Variants in ZNF236 observed in about 807,000 individuals in gnomAD.
ZNF236 encodes zinc finger protein 236, also known as regulated by glucose.
ZNF236 carries 50 observed loss-of-function variants against 191.2 expected under a neutral mutation model. The ratio of observed to expected loss-of-function variants is 0.26; its 90% CI spans 0.21 to 0.33. The LOEUF (loss-of-function observed/expected upper bound fraction) is 0.33, where lower values mean the gene tolerates loss of function less well. Among genes scored for constraint, ZNF236 ranks in the 10% least tolerant of loss-of-function variants. The pLI, the probability that ZNF236 is intolerant of heterozygous loss-of-function variation, is 1.00. For synonymous variants in ZNF236, 907 were observed against 928.8 expected (o/e 0.98, Z 0.43); for missense variants, 1,754 against 2,374.5 (o/e 0.74, Z 5.43).
chr18:76,964,375 G>A (rs1372701712), intron 30 of ZNF236, among the ~76,000 whole-genome samples: 1 of 152,144 alleles, frequency 6.6e-6, no homozygotes, highest in Non-Finnish European at 1.5e-5. Flanking sequence ...GGTTTTGAAG[G>A]TTCCTTTTGG....
At chr18:76,868,358 C>T (rs547738765) in intron 3 of ZNF236, among the ~76,000 whole-genome samples, 5 of 152,304 alleles carry the variant, frequency 3.3e-5, no homozygotes, top group African/African-American at 7.2e-5. Flanking sequence ...CTCTCTAAAG[C>T]GCTCACAGAA....
chr18:76,941,600 T>C (rs1023560205), intron 26 of ZNF236, among the ~76,000 whole-genome samples: 1 of 152,184 alleles, frequency 6.6e-6, no homozygotes, highest in Admixed American at 6.5e-5. Flanking sequence ...GCCCTTCCAC[T>C]CTGGCCTGCG....
Position 76,899,167 on chromosome 18 carries a change from G to A in ZNF236, c.1839G>A (p.Thr613=), listed in dbSNP as rs760698313. 6 of 1,614,136 alleles carry A rather than the reference G, an allele frequency of 3.7e-6. No individual in the cohort carries two copies. The highest frequency in any genetic ancestry group is 5.1e-6 in the Non-Finnish European group (6 of 1,180,010). Reference sequence around the variant, plus strand: ...CTGCAAAGGTCCGTGTTGGCAAGACGAATATTCCAGTCCCTGATATTCCTT... The same window carrying A: ...CTGCAAAGGTCCGTGTTGGCAAGACAAATATTCCAGTCCCTGATATTCCTT... ...RKPAKVRVGK[T]NIPVPDIPLQ... Residue 613 remains threonine, a synonymous_variant, in exon 11 of 31, where the codon ACG becomes ACA. Transcript: ENST00000320610.
At chr18:76,837,121 ACCCCCTCC>A (rs1975353763) in intron 1 of ZNF236, among the ~76,000 whole-genome samples, 3 of 32,766 alleles carry the variant, frequency 9.2e-5, no homozygotes, top group African/African-American at 1.5e-4. Flanking sequence ...AGTGATCCGC[ACCCCCTCC>A]CCCCCCCCCC....
Position 76,956,044 on chromosome 18 carries a change from G to A in ZNF236, c.4974G>A (p.Ala1658=), listed in dbSNP as rs778886930. 1.2e-5 allele frequency: 20 copies of A among 1,609,632 alleles called. No individual in the cohort carries two copies. Among genetic ancestry groups the A allele is most frequent in the Admixed American group, 3.3e-5 (2 of 59,752 alleles). Reference sequence around the variant, plus strand: ...ACCAGCCAGAGAAGGAGGGCCGGGCGCACCAGTGCCTGGAGTGTGACCGCG... The same window carrying A: ...ACCAGCCAGAGAAGGAGGGCCGGGCACACCAGTGCCTGGAGTGTGACCGCG... ...PGNQPEKEGR[A]HQCLECDRAF... The change falls in exon 28 of 31, where the codon GCG becomes GCA. Residue 1658 remains alanine (A), a synonymous_variant. Transcript: ENST00000320610.
intron 20 of ZNF236, among the ~76,000 whole-genome samples, chr18:76,920,768 T>C (rs767546330): frequency 1.1e-4 from 17 of 152,094 alleles, no homozygotes; most frequent in East Asian, 1.9e-4. Flanking sequence ...GGGAGACTAA[T>C]TGGCAATCGG....
chr18:76,873,289 G>T (rs1220077977), intron 5 of ZNF236, among the ~76,000 whole-genome samples: 1 of 152,140 alleles, frequency 6.6e-6, no homozygotes, highest in Non-Finnish European at 1.5e-5. Context: ...TTTTTTACGC[G>T]TACATAAATA....
intron 27 of ZNF236, among the ~76,000 whole-genome samples, chr18:76,950,339 A>G (rs1968373262): frequency 6.6e-6 from 1 of 152,210 alleles, no homozygotes; most frequent in Non-Finnish European, 1.5e-5. Context: ...TGTAATTTCA[A>G]CAATGTTCAC....
intron 20 of ZNF236, among the ~76,000 whole-genome samples, chr18:76,921,737 C>CTTTTTTTTTTTTTTTTTTTT (rs11380490): frequency 1.0e-5 from 1 of 98,050 alleles, no homozygotes; most frequent in Non-Finnish European, 1.9e-5. Flanking sequence ...GTGGGATGTT[C>CTTTTTTTTTTTTTTTTTTTT]TTTTTTTTTT....
chr18:76,836,980 A>G (rs1341559693), intron 1 of ZNF236, among the ~76,000 whole-genome samples: 1 of 151,922 alleles, frequency 6.6e-6, no homozygotes, highest in Non-Finnish European at 1.5e-5. Context: ...GGTTCAAGCA[A>G]TTCTCGTGCC....
chr18:76,932,666 A>C (rs1967889593), intron 25 of ZNF236, among the ~76,000 whole-genome samples: 1 of 152,222 alleles, frequency 6.6e-6, no homozygotes, highest in African/African-American at 2.4e-5. Flanking sequence ...GGCCGTCAGC[A>C]GTGCAGCCTC....
At chr18:76,965,219 A>G (rs1050871904) in intron 30 of ZNF236, among the ~76,000 whole-genome samples, 17 of 152,096 alleles carry the variant, frequency 1.1e-4, no homozygotes, top group African/African-American at 3.4e-4. Flanking sequence ...AAGTATGTCT[A>G]TTGTTTCCTG....
intron 27 of ZNF236, among the ~76,000 whole-genome samples, chr18:76,951,051 C>T (rs470853): frequency 0.91 from 138,984 of 152,314 alleles, 63,693 homozygotes; most frequent in East Asian, 0.97. Flanking sequence ...AAATATTCAG[C>T]AAATCATGCT....
chr18:76,917,442 C>T (rs1433977732), intron 19 of ZNF236, among the ~76,000 whole-genome samples: 1 of 152,216 alleles, frequency 6.6e-6, no homozygotes, highest in African/African-American at 2.4e-5. Flanking sequence ...GTTTGGGCTT[C>T]ATCTCACTGC....
rs1282362104 is a variant in ZNF236 at position 76,903,522 on chromosome 18, A to C, written c.1895-858A>C. On this transcript the variant is annotated intron_variant, in intron 11 of 30. Coordinates refer to ENST00000320610, the MANE Select transcript of ZNF236 (RefSeq NM_001306089.2). ...ATCATTGTATAGCAGTTAAGGTACAAATGAGGGAGGAGAGAGGACCGGGAA... is the reference window on the plus strand; with the variant it reads ...ATCATTGTATAGCAGTTAAGGTACACATGAGGGAGGAGAGAGGACCGGGAA... Among the ~76,000 whole-genome samples the C allele has an allele frequency of 5.3e-5, 8 of 152,174 alleles. No individual in the cohort carries two copies. In the East Asian group the frequency reaches 1.5e-3, roughly 29 times the overall value.
intron 3 of ZNF236, among the ~76,000 whole-genome samples, chr18:76,854,839 A>G (rs146704369): frequency 1.7e-3 from 255 of 152,290 alleles, no homozygotes; most frequent in African/African-American, 5.8e-3. Context: ...GTACATGCCA[A>G]TTTAACACCT....
At chr18:76,942,081 C>G (rs1366925845) in intron 26 of ZNF236, among the ~76,000 whole-genome samples, 1 of 152,096 alleles carries the variant, frequency 6.6e-6, no homozygotes, top group African/African-American at 2.4e-5. Flanking sequence ...AGAAGGTGGT[C>G]AAGAGAAATT....
In ZNF236 at chr18:76,868,814, G is replaced by C. The variant is rs369818870; in HGVS notation, c.493G>C (p.Glu165Gln). The C allele has an allele frequency of 1.2e-6, 2 of 1,613,638 alleles. No individual in the cohort carries two copies. The highest frequency in any genetic ancestry group is 8.5e-7 in the Non-Finnish European group (1 of 1,179,962). Reference protein sequence around the residue: ...HACKACKKEFETSSELKEHMK... With the variant: ...HACKACKKEFQTSSELKEHMK... ...CTGCAAGGCCTGCAAGAAAGAGTTC[G>C]AGACCTCCTCGGAGCTGAAGGAACA... The change falls in exon 4 of 31, where the codon GAG becomes CAG. Residue 165 changes from glutamate to glutamine, a missense_variant. Around this residue, in one of 5 missense-constraint regions of ZNF236, gnomAD observed 336 missense variants for 495.1 expected, o/e 0.68. Transcript: ENST00000320610.
intron 5 of ZNF236, among the ~76,000 whole-genome samples, chr18:76,873,623 AG>A (rs36001829): frequency 1.6e-4 from 24 of 152,198 alleles, no homozygotes; most frequent in Admixed American, 6.5e-4. Context: ...TGATGATGTG[AG>A]GGGGGTGACC....
Sources: gnomAD v4.1 joint callset for allele counts (sites outside exome capture counted in the v4.1 genomes callset) on GRCh38, gnomAD v4.1.1 for gene constraint, gnomAD v4.1.1 regional missense constraint, MANE v1.5 for transcripts, NCBI Gene and HGNC (gene_info 2026-07-23, HGNC 2026-07-21) for gene names.